The following KPNB1 variants were observed in gnomAD, a reference collection of about 807,000 sequenced individuals.
KPNB1 encodes the protein importin subunit beta-1.
In KPNB1, 7 loss-of-function variants were observed where a neutral mutation model predicts 113.0. That is an observed-to-expected ratio of 0.06 (90% CI 0.04 to 0.12). The LOEUF is 0.12. Ranked by LOEUF, KPNB1 falls within the 10% of genes least tolerant of loss-of-function variation. KPNB1 has a pLI of 1.00. For missense variants in KPNB1, 400 were observed against 1,054.8 expected, an observed-to-expected ratio of 0.38 and a Z score of 8.60; for synonymous variants, 363 against 378.6, an observed-to-expected ratio of 0.96 and a Z score of 0.48.
intron 9 of KPNB1, among the ~76,000 whole-genome samples, chr17:47,667,620 C>A (rs2143138884): frequency 6.6e-6 from 1 of 151,188 alleles, no homozygotes; most frequent in East Asian, 1.9e-4. Context: ...CACAGTGGCA[C>A]AATCTCGGCT....
chr17:47,663,639 G>C (rs1879976354), intron 7 of KPNB1, among the ~76,000 whole-genome samples: 1 of 151,982 alleles, frequency 6.6e-6, no homozygotes, highest in Non-Finnish European at 1.5e-5. Context: ...ACTCCAACCT[G>C]GGCCAGAAAG....
chr17:47,679,106 T>C (rs2143178323), intron 19 of KPNB1, among the ~76,000 whole-genome samples: 1 of 151,664 alleles, frequency 6.6e-6, no homozygotes, highest in South Asian at 2.1e-4. Flanking sequence ...TTTTGTATTT[T>C]AGTAGAGATG....
In KPNB1 at chr17:47,683,299, G is replaced by A. The variant is rs1299581593; in HGVS notation, c.*895G>A. 1 of 138,176 alleles carries A rather than the reference G, an allele frequency of 7.2e-6. No homozygotes were observed. Among genetic ancestry groups the A allele is most frequent in the East Asian group, 2.4e-4 (1 of 4,174 alleles). 8.6% of individuals were successfully genotyped at this position (138,176 alleles called of 1,614,324 possible). ...CAACTGTGAATGTAGAAGTGGGGGGGAGGGGGGAGAAAAAGAAAACTCTGG... is the reference window on the plus strand; with the variant it reads ...CAACTGTGAATGTAGAAGTGGGGGGAAGGGGGGAGAAAAAGAAAACTCTGG... On this transcript the variant is annotated 3_prime_UTR_variant, in exon 22 of 22. Transcript: ENST00000290158.
intron 9 of KPNB1, among the ~76,000 whole-genome samples, chr17:47,666,424 T>TA (rs2030274064): frequency 8.2e-6 from 1 of 122,000 alleles, no homozygotes; most frequent in Non-Finnish European, 1.8e-5. Flanking sequence ...GTGTGTGTAT[T>TA]TTATATATAT....
In KPNB1 at chr17:47,653,335, A is replaced by G. The variant is rs1485956723; in HGVS notation, c.282+459A>G. Among the ~76,000 whole-genome samples, 4 of 138,726 alleles carry G rather than the reference A, an allele frequency of 2.9e-5. No individual in the cohort carries two copies. In the South Asian group the frequency reaches 6.7e-4, roughly 23 times the overall value. 91.0% of individuals were successfully genotyped at this position (138,726 alleles called of 152,430 possible). A position where few individuals can be genotyped will look rare whatever the true frequency, so the allele number is the denominator to read the frequency against. On this transcript the variant is annotated intron_variant, in intron 3 of 21. Transcript: ENST00000290158. ...GTTGCCCAGGCTGGAGTGCAATGGC[A>G]TGATCTCGGCTCACTGCAGCCTCCG...
At chr17:47,681,431 C>T (rs906990518) in intron 21 of KPNB1, among the ~76,000 whole-genome samples, 1 of 151,946 alleles carries the variant, frequency 6.6e-6, no homozygotes. Flanking sequence ...ACCACCACAC[C>T]TGGCTAATTT....
At chr17:47,680,460 C>CT in intron 20 of KPNB1, 48 bp from the exon 21 acceptor site, 1 of 1,596,586 alleles carries the variant, frequency 6.3e-7, no homozygotes, top group South Asian at 1.1e-5. Context: ...AAACATTATA[C>CT]TGGTATGGGG....
At chr17:47,660,108 ACTC>A (rs1438511434) in intron 5 of KPNB1, among the ~76,000 whole-genome samples, 1 of 151,766 alleles carries the variant, frequency 6.6e-6, no homozygotes, top group African/African-American at 2.4e-5. Context: ...CTGAACAACA[ACTC>A]CTCATTTCCC....
At chr17:47,666,508 ATATT>A (rs1249693955) in intron 9 of KPNB1, among the ~76,000 whole-genome samples, 1 of 139,350 alleles carries the variant, frequency 7.2e-6, no homozygotes, top group Non-Finnish European at 1.5e-5. Flanking sequence ...ATAATGTTAT[ATATT>A]ATATTTTATA....
At chr17:47,650,559 C>T (rs995499742) in intron 2 of KPNB1, 115 bp downstream of exon 2, 4 of 752,396 alleles carry the variant, frequency 5.3e-6, no homozygotes, top group African/African-American at 1.8e-5. Flanking sequence ...ATCCCGTCCC[C>T]CTCCCCCCTC....
At chr17:47,676,386 G>A in intron 15 of KPNB1, 23 bp from the exon 16 acceptor site, 1 of 1,568,496 alleles carries the variant, frequency 6.4e-7, no homozygotes, top group Non-Finnish European at 8.8e-7. Context: ...GCTGTCATTG[G>A]CTAATAGCTT....
intron 15 of KPNB1, among the ~76,000 whole-genome samples, chr17:47,675,361 G>GTTGTTTTTTTTTTTTTTTTTTTTTTTTTT (rs1567894260): frequency 5.6e-5 from 5 of 88,692 alleles, no homozygotes; most frequent in Non-Finnish European, 9.2e-5. Context: ...CAGAGGTGTT[G>GTTGTTTTTTTTTTTTTTTTTTTTTTTTTT]TTTTTTTTTT....
intron 14 of KPNB1, chr17:47,673,867 G>A (rs578260040): frequency 2.8e-4 from 85 of 299,266 alleles, no homozygotes; most frequent in African/African-American, 1.3e-3. Flanking sequence ...TTCCTCACTC[G>A]TTTGTTTCAA....
At chr17:47,660,690 T>G (rs1044846996) in intron 5 of KPNB1, among the ~76,000 whole-genome samples, 6 of 152,224 alleles carry the variant, frequency 3.9e-5, no homozygotes, top group South Asian at 2.1e-4. Flanking sequence ...TCTCACCACA[T>G]TTGATGTGAA....
intron 21 of KPNB1, 138 bp downstream of exon 21, chr17:47,680,807 C>T: frequency 1.3e-6 from 1 of 789,836 alleles, no homozygotes; most frequent in African/African-American, 1.7e-5. Context: ...GCTTCTGAGT[C>T]AGGCAGCCTC....
intron 5 of KPNB1, 63 bp downstream of exon 5, chr17:47,658,723 T>G: frequency 6.9e-7 from 1 of 1,449,608 alleles, no homozygotes; most frequent in Non-Finnish European, 9.4e-7. Flanking sequence ...TGAATGAAAG[T>G]TTTTTGTTTT....
At chr17:47,678,236 G>T in intron 18 of KPNB1, 47 bp downstream of exon 18, 1 of 1,612,770 alleles carries the variant, frequency 6.2e-7, no homozygotes, top group Non-Finnish European at 8.5e-7. Flanking sequence ...AGCTCTAATT[G>T]GAGGGACTAT....
At position 47,668,425 on chromosome 17, in the gene KPNB1, T is replaced by C. The variant is rs2030354558; in HGVS notation, c.1224+15T>C. 1 of 1,589,508 alleles carries C rather than the reference T, an allele frequency of 6.3e-7. No individual in the cohort carries two copies. The highest frequency in any genetic ancestry group is 1.7e-5 in the Admixed American group (1 of 59,828). ...TAGTTATACAGGTGAAACTGAGGGA[T>C]TTTTGGAGTAGAAAGTAGGATATTT... On this transcript the variant is annotated intron_variant, in intron 10 of 21. Transcript: ENST00000290158.
At chr17:47,675,536 C>A (rs1386346200) in intron 15 of KPNB1, among the ~76,000 whole-genome samples, 1 of 151,830 alleles carries the variant, frequency 6.6e-6, no homozygotes, top group Non-Finnish European at 1.5e-5. Flanking sequence ...CCACTGTGCC[C>A]TGCTAAAAGT....
Sources: gnomAD v4.1 joint callset for allele counts (sites outside exome capture counted in the v4.1 genomes callset) on GRCh38, gnomAD v4.1.1 for gene constraint, MANE v1.5 for transcripts, NCBI Gene and HGNC (gene_info 2026-07-23, HGNC 2026-07-21) for gene names.